Variants in BANP observed in about 807,000 individuals in gnomAD.
BANP encodes the protein BTG3 associated nuclear protein, also known as protein BANP.
In BANP, 11 loss-of-function variants were observed where a neutral mutation model predicts 68.1. The observed-to-expected ratio is 0.16, with a 90% CI of 0.10 to 0.27. The LOEUF is 0.27. Ranked by LOEUF, BANP falls within the 10% of genes least tolerant of loss-of-function variation. BANP has a pLI of 1.00. For synonymous variants in BANP, 329 were observed against 303.2 expected (o/e 1.09, Z -0.88); for missense variants, 504 against 722.7 (o/e 0.70, Z 3.47).
intron 13 of BANP, 95 bp downstream of exon 13, chr16:88,072,307 TCTTC>T: frequency 7.0e-7 from 1 of 1,425,080 alleles, no homozygotes; most frequent in South Asian, 1.4e-5. Flanking sequence ...TTCTCGTGAC[TCTTC>T]CTGTGCAGAG....
intron 9 of BANP, chr16:88,035,028 A>C: frequency 2.8e-6 from 1 of 351,844 alleles, no homozygotes; most frequent in Non-Finnish European, 5.3e-6. Flanking sequence ...GCTGTGTGGC[A>C]CATATGGGCG....
intron 6 of BANP, among the ~76,000 whole-genome samples, chr16:88,013,993 C>A (rs75885601): frequency 0.071 from 10,782 of 152,258 alleles, 528 homozygotes; most frequent in East Asian, 0.18. Flanking sequence ...GAGCTGTGAG[C>A]CGCAAACACA....
At chr16:88,044,269 C>G (rs2081451526) in intron 11 of BANP, among the ~76,000 whole-genome samples, 1 of 152,254 alleles carries the variant, frequency 6.6e-6, no homozygotes, top group South Asian at 2.1e-4. Flanking sequence ...CATCGTGGTT[C>G]TAGAACCCTC....
intron 4 of BANP, among the ~76,000 whole-genome samples, chr16:87,995,084 T>C (rs2066828466): frequency 6.6e-6 from 1 of 152,236 alleles, no homozygotes; most frequent in Non-Finnish European, 1.5e-5. Context: ...AGGTGCATCC[T>C]GTTTTTAAAA....
At chr16:88,007,889 C>T (rs1598384470) in intron 6 of BANP, among the ~76,000 whole-genome samples, 2 of 151,662 alleles carry the variant, frequency 1.3e-5, no homozygotes, top group Admixed American at 6.6e-5. Context: ...AATTTATATA[C>T]CATAAAATTG....
intron 1 of BANP, among the ~76,000 whole-genome samples, chr16:87,953,192 T>TA (rs59705558): frequency 0.27 from 39,480 of 147,680 alleles, 5,849 homozygotes; most frequent in East Asian, 0.49. Flanking sequence ...CCTATGTTCT[T>TA]AAAAAAAAAA....
chr16:88,019,467 C>CGTGAAATGTAAATCT (rs2075381504), intron 7 of BANP, among the ~76,000 whole-genome samples: 1 of 151,430 alleles, frequency 6.6e-6, no homozygotes, highest in African/African-American at 2.4e-5. Context: ...CTCAGGGGAG[C>CGTGAAATGTAAATCT]GTGAAATGTA....
chr16:88,062,316 GC>G (rs1307194613), intron 11 of BANP, among the ~76,000 whole-genome samples: 8 of 152,308 alleles, frequency 5.3e-5, no homozygotes, highest in East Asian at 1.9e-4. Context: ...TAGATTTACA[GC>G]AGTTTAGCAT....
chr16:88,015,240 C>A (rs367798550), intron 6 of BANP, among the ~76,000 whole-genome samples: 36 of 148,880 alleles, frequency 2.4e-4, no homozygotes, highest in African/African-American at 8.7e-4. Context: ...TGTGCCCCTT[C>A]AGCTCGTCTC....
intron 1 of BANP, among the ~76,000 whole-genome samples, chr16:87,966,443 C>G (rs993671336): frequency 1.3e-5 from 2 of 152,216 alleles, no homozygotes; most frequent in African/African-American, 4.8e-5. Flanking sequence ...AAATAGCAAC[C>G]ACAGGCATTG....
Position 88,076,719 on chromosome 16 carries a change from G to A in BANP, c.*58G>A, listed in dbSNP as rs2091687032. The A allele has an allele frequency of 8.2e-6, 12 of 1,463,082 alleles. No homozygotes were observed. The highest frequency in any genetic ancestry group is 2.8e-5 in the African/African-American group (2 of 71,544). 90.6% of individuals were successfully genotyped at this position (1,463,082 alleles called of 1,614,324 possible). A position where few individuals can be genotyped will look rare whatever the true frequency, so the allele number is the denominator to read the frequency against. On this transcript the variant is annotated 3_prime_UTR_variant, in exon 14 of 14. Transcript: ENST00000682872. ...GCTCCGCCTACGGCCCGGCCCCCACGCGCCCTGCTCTCACGGCCTCGGCAC... is the reference window on the plus strand; with the variant it reads ...GCTCCGCCTACGGCCCGGCCCCCACACGCCCTGCTCTCACGGCCTCGGCAC...
At chr16:87,974,953 G>A (rs1474217290) in intron 1 of BANP, 95 bp from the exon 2 acceptor site, 47 of 611,652 alleles carry the variant, frequency 7.7e-5, no homozygotes, top group South Asian at 5.2e-4. Context: ...GACGTTCGCG[G>A]CCTCTTGCAT....
rs1428086261 is a variant in BANP, at chr16:88,011,185, G to A, written c.655+4920G>A. ...TCTCAGCGGCTTGCGTTGAGTTTCC[G>A]GATACACAGCCTGTGCCCCGGGATG... On this transcript the variant is annotated intron_variant, in intron 6 of 13. Coordinates refer to ENST00000682872, the MANE Select transcript of BANP (RefSeq NM_001386991.1). Among the ~76,000 whole-genome samples, 8 of 152,156 alleles carry A rather than the reference G, an allele frequency of 5.3e-5. 1 individual carries two copies. Among genetic ancestry groups the A allele is most frequent in the Non-Finnish European group, 7.3e-5 (5 of 68,028 alleles).
intron 1 of BANP, among the ~76,000 whole-genome samples, chr16:87,961,292 C>G (rs2059073313): frequency 6.6e-6 from 1 of 152,192 alleles, no homozygotes; most frequent in Non-Finnish European, 1.5e-5. Flanking sequence ...TTTCCCTTGT[C>G]TAACTGCATC....
At chr16:88,046,043 T>C (rs1008442554) in intron 11 of BANP, among the ~76,000 whole-genome samples, 2 of 152,210 alleles carry the variant, frequency 1.3e-5, no homozygotes, top group African/African-American at 4.8e-5. Flanking sequence ...GCGGTGCACA[T>C]CCTCAAAAAC....
At position 88,071,323 on chromosome 16, in the gene BANP, G is replaced by A. The variant is rs900678376; in HGVS notation, c.1378-746G>A. The stretch of plus-strand genomic sequence containing the variant: ...CGCCTGCCTGGGCCGTCTTGACACC[G>A]GAGCTGCCTGCCTGGATGTTGGAGC... On this transcript the variant is annotated intron_variant, in intron 12 of 13. Transcript: ENST00000682872. The surrounding 1 kb of genome is among the most constrained non-coding windows in gnomAD (Gnocchi z 6.5). 8.8e-5 allele frequency: 33 copies of A among 373,062 alleles called. No homozygotes were observed. Among genetic ancestry groups the A allele is most frequent in the African/African-American group, 5.9e-4 (28 of 47,348 alleles). The allele number at this position is 373,062 out of a possible 1,614,324, so 23.1% of individuals were successfully genotyped here.
chr16:87,957,576 GTGTC>G lies in BANP; in HGVS notation c.-69+6064_-69+6067del. ...TTTCGCTAGTGACCAGTTACCTTCT[GTGTC>G]TGAGAGAAGGCCGTTGTGGCCTGTA... On this transcript the variant is annotated intron_variant, in intron 1 of 13. Transcript: ENST00000682872. The surrounding 1 kb of genome is among the most constrained non-coding windows in gnomAD (Gnocchi z 4.3). Among the ~76,000 whole-genome samples, 1 of 152,356 alleles carries G rather than the reference GTGTC, an allele frequency of 6.6e-6. No homozygotes were observed. The highest frequency in any genetic ancestry group is 2.1e-4 in the South Asian group (1 of 4,830).
intron 4 of BANP, among the ~76,000 whole-genome samples, chr16:87,987,712 CAAAAAAA>C (rs66648819): frequency 0.024 from 736 of 30,366 alleles, 15 homozygotes; most frequent in Admixed American, 0.047. Flanking sequence ...GACCCTAACT[CAAAAAAA>C]AAAAAAAAAA....
In BANP at chr16:88,057,543, G is replaced by A. The variant is rs76675541; in HGVS notation, c.1312-7724G>A. 8.2e-3 allele frequency among the ~76,000 whole-genome samples: 1,250 copies of A among 152,184 alleles called. 18 individuals carry two copies. Among genetic ancestry groups the A allele is most frequent in the African/African-American group, 0.028 (1,151 of 41,506 alleles). On this transcript the variant is annotated intron_variant, in intron 11 of 13. Transcript: ENST00000682872. The surrounding 1 kb of genome is among the most constrained non-coding windows in gnomAD (Gnocchi z 4.6). ...AACACCCCTCAGGTCGCTTCATGCT[G>A]ATTCTGTTTAGGCCCCGGCTTTTCC...
Sources: allele counts gnomAD v4.1 joint callset (sites outside exome capture counted in the v4.1 genomes callset), GRCh38; gene constraint gnomAD v4.1.1; non-coding constraint Gnocchi (gnomAD v3.1); transcripts MANE v1.5; gene names NCBI Gene and HGNC (gene_info 2026-07-23, HGNC 2026-07-21).